TMTC2: variants seen among roughly 807,000 people sequenced by gnomAD.
The protein encoded by TMTC2 is protein O-mannosyl-transferase TMTC2.
Under a neutral mutation model 82.4 loss-of-function variants are expected in TMTC2, and 43 were observed. The observed-to-expected ratio is 0.52, with a 90% CI of 0.41 to 0.67. The LOEUF (loss-of-function observed/expected upper bound fraction) is 0.67. TMTC2 is among the 30% of genes least tolerant of loss of function. The probability of loss-of-function intolerance (pLI) is 0.00; values close to 1 mark genes in which losing one functional copy is unlikely to be tolerated. For missense variants in TMTC2, 919 were observed against 1,012.4 expected (o/e 0.91, Z 1.25); for synonymous variants, 408 against 381.9 (o/e 1.07, Z -0.80).
rs186041467 is a variant in TMTC2 at position 83,008,760 on chromosome 12, G to A, written c.2071-22038G>A. 6.6e-5 allele frequency among the ~76,000 whole-genome samples: 10 copies of A among 152,286 alleles called. 1 individual carries two copies. Among genetic ancestry groups the A allele is most frequent in the East Asian group, 3.9e-4 (2 of 5,178 alleles). Reference sequence around the variant, plus strand: ...AAATGAAATACGCAGCCTCTAATGTGAGAACTGGTATTAATCTGGCTGTGA... The same window carrying A: ...AAATGAAATACGCAGCCTCTAATGTAAGAACTGGTATTAATCTGGCTGTGA... On this transcript the variant is annotated intron_variant, in intron 8 of 11. Coordinates refer to ENST00000321196, the MANE Select transcript of TMTC2 (RefSeq NM_152588.3).
At chr12:82,996,149 G>A (rs1162798172) in intron 8 of TMTC2, among the ~76,000 whole-genome samples, 1 of 152,166 alleles carries the variant, frequency 6.6e-6, no homozygotes, top group African/African-American at 2.4e-5. Flanking sequence ...ATAGCTACTG[G>A]TAAAAAAGAT....
At chr12:82,747,753 T>C (rs947545442) in intron 1 of TMTC2, among the ~76,000 whole-genome samples, 1 of 152,206 alleles carries the variant, frequency 6.6e-6, no homozygotes, top group Non-Finnish European at 1.5e-5. Flanking sequence ...AGTAGCTTTT[T>C]TACTTAAATA....
At chr12:82,707,780 C>G (rs1327908060) in intron 1 of TMTC2, among the ~76,000 whole-genome samples, 1 of 152,212 alleles carries the variant, frequency 6.6e-6, no homozygotes, top group Non-Finnish European at 1.5e-5. Context: ...GCAAGGTATT[C>G]TTGGAAGGTG....
intron 1 of TMTC2, among the ~76,000 whole-genome samples, chr12:82,695,577 A>T (rs1872749768): frequency 6.6e-6 from 1 of 152,220 alleles, no homozygotes; most frequent in African/African-American, 2.4e-5. Context: ...CAATGAAAGC[A>T]TGTCTGCTCA....
At chr12:82,822,440 G>T (rs928614201) in intron 1 of TMTC2, among the ~76,000 whole-genome samples, 3 of 152,070 alleles carry the variant, frequency 2.0e-5, no homozygotes, top group African/African-American at 7.2e-5. Flanking sequence ...GCTGAGTTTT[G>T]CTGTCAACCT....
chr12:82,904,210 G>A (rs754075303), intron 3 of TMTC2, among the ~76,000 whole-genome samples: 1 of 152,154 alleles, frequency 6.6e-6, no homozygotes, highest in Non-Finnish European at 1.5e-5. Context: ...CCAGTCTTAT[G>A]TATGTATGGT....
At chr12:83,128,484 G>A (rs571568842) in intron 11 of TMTC2, among the ~76,000 whole-genome samples, 31 of 151,860 alleles carry the variant, frequency 2.0e-4, no homozygotes, top group Non-Finnish European at 4.1e-4. Flanking sequence ...TTTTGGGGGA[G>A]GATAGGTGTT....
At chr12:83,113,291 A>G (rs1048143619) in intron 11 of TMTC2, among the ~76,000 whole-genome samples, 5 of 152,218 alleles carry the variant, frequency 3.3e-5, no homozygotes, top group African/African-American at 4.8e-5. Flanking sequence ...ATTCAGAACT[A>G]TATAAAAATT....
intron 8 of TMTC2, among the ~76,000 whole-genome samples, chr12:83,012,673 C>T (rs1880511965): frequency 6.6e-6 from 1 of 152,054 alleles, no homozygotes; most frequent in African/African-American, 2.4e-5. Flanking sequence ...GTATGATCTT[C>T]TGGCCATGTG....
rs1205001410 is a variant in TMTC2, at chr12:82,700,459, T to A, written c.83+12790T>A. 2.0e-5 allele frequency among the ~76,000 whole-genome samples: 3 copies of A among 152,164 alleles called. No homozygotes were observed. The East Asian group carries it at 5.8e-4, about 29-fold the overall frequency. On this transcript the variant is annotated intron_variant, in intron 1 of 11. Coordinates refer to ENST00000321196, the MANE Select transcript of TMTC2 (RefSeq NM_152588.3). ...ATTTAAACTTACTTTTGATAATAAC[T>A]TAGTATTTTAGGTAGATTTAGGGTA... is the stretch of plus-strand genomic sequence containing the variant.
intron 1 of TMTC2, among the ~76,000 whole-genome samples, chr12:82,723,436 A>G (rs542835260): frequency 6.6e-6 from 1 of 152,338 alleles, no homozygotes; most frequent in Admixed American, 6.5e-5. Flanking sequence ...GCTTGGAACT[A>G]AAAATATTTC....
chr12:82,937,962 T>C (rs1592641810), intron 4 of TMTC2, among the ~76,000 whole-genome samples: 1 of 134,224 alleles, frequency 7.5e-6, no homozygotes, highest in East Asian at 2.1e-4. Context: ...TCGCCCAGGG[T>C]GGAGTGCAGT....
chr12:82,941,760 T>C (rs1396848656), intron 4 of TMTC2, among the ~76,000 whole-genome samples: 1 of 152,158 alleles, frequency 6.6e-6, no homozygotes, highest in African/African-American at 2.4e-5. Flanking sequence ...TTGTTGTTTT[T>C]GTTTTGTTTT....
intron 4 of TMTC2, among the ~76,000 whole-genome samples, chr12:82,946,280 T>C (rs957360946): frequency 3.3e-5 from 5 of 152,242 alleles, no homozygotes; most frequent in Admixed American, 2.0e-4. Context: ...TATATATTCT[T>C]AGTGTCTGCA....
chr12:83,088,358 T>C (rs529780584), intron 11 of TMTC2, among the ~76,000 whole-genome samples: 27 of 152,220 alleles, frequency 1.8e-4, no homozygotes, highest in Non-Finnish European at 3.2e-4. Context: ...ATCATTTGTG[T>C]GTTCACTGGA....
chr12:82,972,709 A>G (rs765685918), intron 7 of TMTC2, among the ~76,000 whole-genome samples: 9 of 152,186 alleles, frequency 5.9e-5, no homozygotes, highest in Non-Finnish European at 1.2e-4. Flanking sequence ...AGAACTGACA[A>G]ATCACCTTCT....
chr12:82,933,555 C>T (rs888795147), intron 4 of TMTC2, among the ~76,000 whole-genome samples: 4 of 152,264 alleles, frequency 2.6e-5, no homozygotes, highest in African/African-American at 4.8e-5. Flanking sequence ...GGACACATAA[C>T]GTGATAATAC....
intron 2 of TMTC2, among the ~76,000 whole-genome samples, chr12:82,879,125 G>A (rs953610179): frequency 2.0e-5 from 3 of 152,176 alleles, no homozygotes; most frequent in African/African-American, 7.2e-5. Flanking sequence ...ATCTGTGGCT[G>A]TATGAACTTT....
At chr12:82,748,897 C>T (rs1875830124) in intron 1 of TMTC2, among the ~76,000 whole-genome samples, 1 of 152,092 alleles carries the variant, frequency 6.6e-6, no homozygotes, top group Non-Finnish European at 1.5e-5. Flanking sequence ...CACACACATA[C>T]ACACACACGT....
Sources: allele counts gnomAD v4.1 joint callset (sites outside exome capture counted in the v4.1 genomes callset), GRCh38; gene constraint gnomAD v4.1.1; transcripts MANE v1.5; gene names NCBI Gene and HGNC (gene_info 2026-07-23, HGNC 2026-07-21).